SLCO3A1: variants seen among roughly 807,000 people sequenced by gnomAD.
SLCO3A1 encodes solute carrier organic anion transporter family member 3A1, also known as PGE1 transporter.
In SLCO3A1, 27 loss-of-function variants were observed where a neutral mutation model predicts 63.1. The ratio of observed to expected loss-of-function variants is 0.43; its 90% CI spans 0.32 to 0.59. The LOEUF (loss-of-function observed/expected upper bound fraction) is 0.59. Among genes scored for constraint, SLCO3A1 ranks in the 20% least tolerant of loss-of-function variants. SLCO3A1 has a pLI of 0.09. For missense variants in SLCO3A1, 773 were observed against 945.8 expected (o/e 0.82, Z 2.40); for synonymous variants, 473 against 409.9 (o/e 1.15, Z -1.86).
chr15:91,855,496 C>T (rs755501165), intron 1 of SLCO3A1, among the ~76,000 whole-genome samples: 2 of 152,156 alleles, frequency 1.3e-5, no homozygotes, highest in Non-Finnish European at 2.9e-5. Flanking sequence ...CTTGTGCATT[C>T]GTAACTTGTA....
chr15:91,988,081 G>T (rs552092646), intron 2 of SLCO3A1, among the ~76,000 whole-genome samples: 32 of 152,232 alleles, frequency 2.1e-4, no homozygotes, highest in Middle Eastern at 3.4e-3. Context: ...CTTTTCTAGG[G>T]GCTGATAGCA....
At chr15:92,135,303 C>T (rs1240898863) in intron 7 of SLCO3A1, among the ~76,000 whole-genome samples, 3 of 152,124 alleles carry the variant, frequency 2.0e-5, no homozygotes, top group Non-Finnish European at 4.4e-5. Context: ...AATAAAAACC[C>T]CCTTCCTCCC....
chr15:91,990,650 G>GA (rs74612884), intron 2 of SLCO3A1, among the ~76,000 whole-genome samples: 25,984 of 144,210 alleles, frequency 0.18, 2,685 homozygotes, highest in East Asian at 0.34. Context: ...TCAGCCTCAA[G>GA]AAAAAAAAAA....
At chr15:91,880,990 G>C (rs752221049) in intron 1 of SLCO3A1, among the ~76,000 whole-genome samples, 1 of 152,186 alleles carries the variant, frequency 6.6e-6, no homozygotes, top group Non-Finnish European at 1.5e-5. Flanking sequence ...GAGCTGGCTA[G>C]CCAGGCGATA....
At chr15:92,095,410 G>A (rs1045186193) in intron 3 of SLCO3A1, among the ~76,000 whole-genome samples, 2 of 152,214 alleles carry the variant, frequency 1.3e-5, no homozygotes, top group African/African-American at 2.4e-5. Flanking sequence ...TGTTCTGGAG[G>A]TGCAAGTGTA....
intron 2 of SLCO3A1, among the ~76,000 whole-genome samples, chr15:91,956,400 T>G (rs1900179915): frequency 1.3e-5 from 2 of 152,242 alleles, no homozygotes; most frequent in South Asian, 2.1e-4. Context: ...GCTCTGTGGG[T>G]TTTTCCCTCC....
chr15:91,899,109 C>G (rs1898084188), intron 1 of SLCO3A1, among the ~76,000 whole-genome samples: 1 of 152,196 alleles, frequency 6.6e-6, no homozygotes, highest in African/African-American at 2.4e-5. Context: ...CAGAGGGTTT[C>G]AACATACCAA....
chr15:92,080,273 G>A (rs12910142), intron 2 of SLCO3A1, among the ~76,000 whole-genome samples: 15,254 of 152,166 alleles, frequency 0.1, 1,121 homozygotes, highest in East Asian at 0.41. Context: ...CAACACACAC[G>A]GAGTCCCTCC....
At chr15:92,168,352 G>GT (rs904041244), downstream of SLCO3A1, among the ~76,000 whole-genome samples, 4 of 152,304 alleles carry the variant, frequency 2.6e-5, no homozygotes, top group South Asian at 2.1e-4. Context: ...ACATTCACAA[G>GT]TTTTTTCTCT....
At chr15:92,124,467 G>A (rs2151564524) in intron 5 of SLCO3A1, among the ~76,000 whole-genome samples, 1 of 152,136 alleles carries the variant, frequency 6.6e-6, no homozygotes, top group South Asian at 2.1e-4. Context: ...TCTGGGTGTG[G>A]GCATGTTGTC....
chr15:91,963,286 A>C (rs1900519233), intron 2 of SLCO3A1, among the ~76,000 whole-genome samples: 1 of 151,856 alleles, frequency 6.6e-6, no homozygotes, highest in Non-Finnish European at 1.5e-5. Flanking sequence ...TTCAGCTTTT[A>C]ATATTTAACT....
intron 2 of SLCO3A1, among the ~76,000 whole-genome samples, chr15:92,014,219 G>A (rs535679323): frequency 1.7e-4 from 26 of 152,222 alleles, no homozygotes; most frequent in African/African-American, 3.6e-4. Context: ...CCTGATGGGC[G>A]TCTCACCTAG....
chr15:91,998,858 G>A (rs140792460), intron 2 of SLCO3A1, among the ~76,000 whole-genome samples: 1 of 152,204 alleles, frequency 6.6e-6, no homozygotes, highest in African/African-American at 2.4e-5. Flanking sequence ...ATTGTAGCAC[G>A]ATTCACAATA....
intron 2 of SLCO3A1, among the ~76,000 whole-genome samples, chr15:92,032,956 T>G (rs1489039705): frequency 6.6e-6 from 1 of 152,074 alleles, no homozygotes; most frequent in Non-Finnish European, 1.5e-5. Flanking sequence ...AGAAAACAAG[T>G]CACATTTGGA....
chr15:92,155,427 A>G (rs2048359268), intron 9 of SLCO3A1, among the ~76,000 whole-genome samples: 1 of 152,198 alleles, frequency 6.6e-6, no homozygotes, highest in Non-Finnish European at 1.5e-5. Context: ...TAGGAGAACA[A>G]AGCAAGTGTG....
intron 1 of SLCO3A1, among the ~76,000 whole-genome samples, chr15:91,874,467 C>T (rs1897350600): frequency 1.3e-5 from 2 of 152,218 alleles, no homozygotes; most frequent in Admixed American, 1.3e-4. Context: ...CTCTATGATT[C>T]TGACTACCCT....
At chr15:91,879,853 T>C (rs1182124184) in intron 1 of SLCO3A1, among the ~76,000 whole-genome samples, 1 of 152,192 alleles carries the variant, frequency 6.6e-6, no homozygotes, top group Non-Finnish European at 1.5e-5. Flanking sequence ...CTTAACGAGA[T>C]TCCTGAAGAG....
chr15:91,975,226 A>G (rs1056215715), intron 2 of SLCO3A1, among the ~76,000 whole-genome samples: 2 of 152,126 alleles, frequency 1.3e-5, no homozygotes, highest in African/African-American at 4.8e-5. Flanking sequence ...ACTGGTACCT[A>G]GGTGTGCTGC....
Position 91,883,405 on chromosome 15 carries a change from G to A in SLCO3A1, c.180+29317G>A, listed in dbSNP as rs1008060058. Among the ~76,000 whole-genome samples, 4 of 152,122 alleles carry A rather than the reference G, an allele frequency of 2.6e-5. No homozygotes were observed. Among genetic ancestry groups the A allele is most frequent in the Admixed American group, 2.6e-4 (4 of 15,274 alleles). On this transcript the variant is annotated intron_variant, in intron 1 of 9. Transcript: ENST00000318445. This position sits in a 1 kb window ranked among gnomAD's most constrained non-coding sequence, Gnocchi z 4.8. ...TTCTTGGTAGAAGCAGTGCCAGTTTGGGATCAGAACGTCCAATCGCTGACT... is the reference window on the plus strand; with the variant it reads ...TTCTTGGTAGAAGCAGTGCCAGTTTAGGATCAGAACGTCCAATCGCTGACT...
Sources: gnomAD v4.1 joint callset for allele counts (sites outside exome capture counted in the v4.1 genomes callset) on GRCh38, gnomAD v4.1.1 for gene constraint, Gnocchi (gnomAD v3.1) non-coding constraint, MANE v1.5 for transcripts, NCBI Gene and HGNC (gene_info 2026-07-23, HGNC 2026-07-21) for gene names.